Variants in SH3RF2 observed in about 807,000 individuals in gnomAD.
The protein encoded by SH3RF2 is E3 ubiquitin-protein ligase SH3RF2.
Under a neutral mutation model 59.0 loss-of-function variants are expected in SH3RF2, and 43 were observed. The observed-to-expected ratio is 0.73, with a 90% CI of 0.57 to 0.94. SH3RF2 has a LOEUF of 0.94. SH3RF2 is among the 40% of genes least tolerant of loss of function. SH3RF2 has a pLI of 0.00. For missense variants in SH3RF2, 930 were observed against 940.1 expected, an observed-to-expected ratio of 0.99 and a Z score of 0.14; for synonymous variants, 391 against 391.5, an observed-to-expected ratio of 1.00 and a Z score of 0.01.
intron 5 of SH3RF2, among the ~76,000 whole-genome samples, chr5:146,015,087 T>G (rs1428752138): frequency 2.0e-5 from 3 of 152,166 alleles, no homozygotes; most frequent in African/African-American, 7.2e-5. Flanking sequence ...AATTTTGTTT[T>G]TAAACATGAA....
chr5:146,049,319 G>A lies in SH3RF2; in HGVS notation c.1322+74G>A, dbSNP rs185527003. On this transcript the variant is annotated intron_variant, in intron 7 of 9. Coordinates refer to ENST00000359120, the MANE Select transcript of SH3RF2 (RefSeq NM_152550.4). ...CAGGGGCCATCTGTGGGTTGAACTGGTGGAAGACCCAGTGCTCTTTCAGAA... is the reference window on the plus strand; with the variant it reads ...CAGGGGCCATCTGTGGGTTGAACTGATGGAAGACCCAGTGCTCTTTCAGAA... 2,326 of 1,485,140 alleles carry A rather than the reference G, an allele frequency of 1.6e-3. 3 individuals are homozygous for A. The highest frequency in any genetic ancestry group is 1.9e-3 in the Middle Eastern group (10 of 5,130). 92.0% of individuals were successfully genotyped at this position (1,485,140 alleles called of 1,614,324 possible).
downstream of SH3RF2, among the ~76,000 whole-genome samples, chr5:146,064,015 C>G (rs576253851): frequency 6.6e-6 from 1 of 152,264 alleles, no homozygotes; most frequent in African/African-American, 2.4e-5. Flanking sequence ...AGCTATTTCA[C>G]TCACAAGGCA....
At chr5:146,052,068 T>C (rs1170759105) in intron 7 of SH3RF2, among the ~76,000 whole-genome samples, 1 of 152,142 alleles carries the variant, frequency 6.6e-6, no homozygotes, top group African/African-American at 2.4e-5. Flanking sequence ...GTTTCTTCCA[T>C]GGCTTTAAAA....
At chr5:145,976,436 T>C (rs1404553301) in intron 2 of SH3RF2, among the ~76,000 whole-genome samples, 1 of 145,326 alleles carries the variant, frequency 6.9e-6, no homozygotes, top group Admixed American at 6.7e-5. Context: ...CTAATGGAAT[T>C]AAGAAGGAAA....
chr5:145,939,638 C>T (rs1452691636), intron 2 of SH3RF2, among the ~76,000 whole-genome samples: 1 of 152,172 alleles, frequency 6.6e-6, no homozygotes, highest in Admixed American at 6.5e-5. Flanking sequence ...GGGTTTGGAA[C>T]TCTTTTTAAG....
chr5:146,007,970 T>C (rs544645959), intron 4 of SH3RF2, among the ~76,000 whole-genome samples: 1 of 152,204 alleles, frequency 6.6e-6, no homozygotes, highest in East Asian at 1.9e-4. Flanking sequence ...TGGAAAGCAA[T>C]TGGAAGGAAG....
chr5:145,978,236 G>T (rs191363297), intron 2 of SH3RF2, among the ~76,000 whole-genome samples: 2 of 152,248 alleles, frequency 1.3e-5, no homozygotes, highest in African/African-American at 4.8e-5. Flanking sequence ...TTAAGCCGAG[G>T]ATACCTTTCC....
Position 146,004,075 on chromosome 5 carries a change from G to T in SH3RF2, c.666G>T (p.Val222=). 1.2e-6 allele frequency: 2 copies of T among 1,612,744 alleles called. No individual in the cohort carries two copies. The highest frequency in any genetic ancestry group is 1.1e-5 in the South Asian group (1 of 90,992). The change falls in exon 4 of 10, where the codon GTG becomes GTT. Residue 222 remains valine (V), a synonymous_variant. Transcript: ENST00000359120. ...TCTTTCAGGACGATATCATCACTGT[G>T]ATCAGCCGAGTGGATGAGAACTGGG... The part of the protein sequence containing the change: ...LTFLKDDIIT[V]ISRVDENWAE...
At chr5:146,050,572 G>A (rs932942648) in intron 7 of SH3RF2, among the ~76,000 whole-genome samples, 1 of 152,210 alleles carries the variant, frequency 6.6e-6, no homozygotes, top group Non-Finnish European at 1.5e-5. Context: ...GCAAACTGAG[G>A]TCTATAATTG....
At chr5:146,057,023 A>G (rs1211296618) in intron 8 of SH3RF2, among the ~76,000 whole-genome samples, 1 of 152,204 alleles carries the variant, frequency 6.6e-6, no homozygotes, top group East Asian at 1.9e-4. Flanking sequence ...ATTTTCTTAT[A>G]CCTCTGTAGA....
intron 2 of SH3RF2, among the ~76,000 whole-genome samples, chr5:145,957,705 C>T (rs865878190): frequency 2.6e-5 from 4 of 151,998 alleles, no homozygotes; most frequent in East Asian, 1.9e-4. Context: ...TTAAAAAAAA[C>T]GTGGAGTGGG....
chr5:146,026,666 C>T (rs968069937), intron 5 of SH3RF2, among the ~76,000 whole-genome samples: 8 of 152,156 alleles, frequency 5.3e-5, no homozygotes, highest in African/African-American at 1.7e-4. Flanking sequence ...TAGAGCTATT[C>T]TCTGAGGCAA....
intron 9 of SH3RF2, among the ~76,000 whole-genome samples, chr5:146,072,653 G>A (rs1763263270): frequency 6.6e-6 from 1 of 152,068 alleles, no homozygotes; most frequent in African/African-American, 2.4e-5. Context: ...CCTGGCAACA[G>A]AGTGAGACTC....
At chr5:146,049,281 G>T in intron 7 of SH3RF2, 36 bp downstream of exon 7, 1 of 1,563,288 alleles carries the variant, frequency 6.4e-7, no homozygotes. Context: ...TGGGAGGTTG[G>T]GCCACCCTAG....
At chr5:145,963,467 T>G (rs1332643028) in intron 2 of SH3RF2, among the ~76,000 whole-genome samples, 3 of 152,142 alleles carry the variant, frequency 2.0e-5, no homozygotes, top group Admixed American at 2.0e-4. Context: ...TAACAAAACC[T>G]TCCTCTTGTC....
At chr5:146,071,876 A>C (rs1050715877) in intron 9 of SH3RF2, among the ~76,000 whole-genome samples, 1 of 152,232 alleles carries the variant, frequency 6.6e-6, no homozygotes, top group African/African-American at 2.4e-5. Flanking sequence ...TCCAGCTCTG[A>C]GTATGGTATT....
intron 2 of SH3RF2, among the ~76,000 whole-genome samples, chr5:145,952,532 C>T (rs1758228199): frequency 6.6e-6 from 1 of 152,130 alleles, no homozygotes; most frequent in Admixed American, 6.5e-5. Context: ...ATAATAATAA[C>T]CACTAATATT....
intron 5 of SH3RF2, 70 bp from the exon 6 acceptor site, chr5:146,047,702 G>T (rs1762354988): frequency 1.4e-6 from 2 of 1,439,100 alleles, no homozygotes; most frequent in East Asian, 2.3e-5. Flanking sequence ...CTACGTAGCT[G>T]CTCTGTTTGC....
chr5:145,983,758 G>C (rs1167681801), intron 2 of SH3RF2, among the ~76,000 whole-genome samples: 2 of 152,286 alleles, frequency 1.3e-5, no homozygotes, highest in Middle Eastern at 3.4e-3. Context: ...TATACACTCA[G>C]TACAGAGGGC....
Sources: gnomAD v4.1 joint callset for allele counts (sites outside exome capture counted in the v4.1 genomes callset) on GRCh38, gnomAD v4.1.1 for gene constraint, MANE v1.5 for transcripts, NCBI Gene and HGNC (gene_info 2026-07-23, HGNC 2026-07-21) for gene names.